PI4KA: variants seen among roughly 807,000 people sequenced by gnomAD.
The protein encoded by PI4KA is phosphatidylinositol 4-kinase alpha.
In PI4KA, 122 loss-of-function variants were observed where a neutral mutation model predicts 271.4. The observed-to-expected ratio is 0.45, with a 90% confidence interval of 0.39 to 0.52. The LOEUF (loss-of-function observed/expected upper bound fraction) is 0.52, where lower values mean the gene tolerates loss of function less well. Ranked by LOEUF, PI4KA falls within the 20% of genes least tolerant of loss-of-function variation. The pLI is 0.00. For missense variants in PI4KA, 1,969 were observed against 2,769.1 expected (o/e 0.71, Z 6.48); for synonymous variants, 1,041 against 1,078.8 (o/e 0.96, Z 0.69).
chr22:20,857,420 A>C (rs564149922), intron 1 of PI4KA, among the ~76,000 whole-genome samples: 1 of 152,334 alleles, frequency 6.6e-6, no homozygotes, highest in South Asian at 2.1e-4. Flanking sequence ...AAAGTGCCTA[A>C]AACAGCCTTT....
At chr22:20,729,742 C>G (rs1191570576) in intron 37 of PI4KA, 31 bp from the exon 38 acceptor site, 2 of 1,578,258 alleles carry the variant, frequency 1.3e-6, no homozygotes, top group East Asian at 2.3e-5. Context: ...CAGGTGTAGT[C>G]CTCAGATGCT....
chr22:20,851,193 A>C lies in PI4KA; in HGVS notation c.156+7377T>G, dbSNP rs201860258. 9.5e-3 allele frequency among the ~76,000 whole-genome samples: 889 copies of C among 93,626 alleles called. 5 individuals are homozygous for C. The highest frequency in any genetic ancestry group is 0.043 in the African/African-American group (817 of 19,030). The allele number at this position is 93,626 out of a possible 152,430, so 61.4% of individuals were successfully genotyped here. A position where few individuals can be genotyped will look rare whatever the true frequency, so the allele number is the denominator to read the frequency against. ...TGGGCAACACAGTGAGACCCTATCT[A>C]TTTTTTTTTTAATGTCTATTTATCC... On this transcript the variant is annotated intron_variant, in intron 1 of 54. Coordinates refer to ENST00000255882, the MANE Select transcript of PI4KA (RefSeq NM_058004.4).
chr22:20,769,687 A>G (rs983983732), intron 19 of PI4KA, among the ~76,000 whole-genome samples: 1 of 151,834 alleles, frequency 6.6e-6, no homozygotes, highest in Admixed American at 6.6e-5. Context: ...AAAAAAATCA[A>G]GGTCAGGGGG....
rs1446523096 is a variant in PI4KA, at chr22:20,818,485, T to G, written c.854A>C (p.Glu285Ala). The G allele has an allele frequency of 1.3e-6, 2 of 1,581,716 alleles. No homozygotes were observed. Among genetic ancestry groups the G allele is most frequent in the African/African-American group, 2.8e-5 (2 of 72,694 alleles). Residue 285 changes from glutamate (E) to alanine (A), a missense_variant and splice_region_variant, in exon 7 of 55, where the codon GAA (glutamate) becomes GCA (alanine). By Grantham distance (107) the Glu-to-Ala change is moderately radical (BLOSUM62 -1). Transcript: ENST00000255882. ...SPGGSAFHYF[E>A]ASCLPDGTAL... ...TTCTTCGGAAAGGTGAAGCCCACCT[T>G]CAAAGTAGTGAAAGGCAGATCCTCC...
At chr22:20,742,986 G>C (rs982638324) in intron 30 of PI4KA, 2 of 552,820 alleles carry the variant, frequency 3.6e-6, no homozygotes, top group Non-Finnish European at 6.5e-6. Flanking sequence ...CATGTTGGCA[G>C]TGCCACCACT....
intron 19 of PI4KA, among the ~76,000 whole-genome samples, chr22:20,772,419 C>T (rs956604657): frequency 6.6e-6 from 1 of 152,214 alleles, no homozygotes; most frequent in African/African-American, 2.4e-5. Flanking sequence ...TGGGCACAGA[C>T]AGCAGCCTCT....
At chr22:20,804,205 G>T in intron 12 of PI4KA, 95 bp downstream of exon 12, 1 of 829,394 alleles carries the variant, frequency 1.2e-6, no homozygotes, top group Non-Finnish European at 2.1e-6. Flanking sequence ...GGTCTCCGCT[G>T]CTGGTGTGCC....
At chr22:20,786,517 C>T (rs1318199296) in intron 19 of PI4KA, among the ~76,000 whole-genome samples, 2 of 152,178 alleles carry the variant, frequency 1.3e-5, no homozygotes, top group Admixed American at 6.5e-5. Flanking sequence ...ACCAATCGGG[C>T]GCTCAGCAAA....
intron 3 of PI4KA, among the ~76,000 whole-genome samples, chr22:20,832,622 T>A (rs1924341400): frequency 6.6e-6 from 1 of 151,922 alleles, no homozygotes; most frequent in South Asian, 2.1e-4. Flanking sequence ...CCTGGCTAAT[T>A]TTTTGTATTT....
rs1163691552 is a variant in PI4KA at position 20,839,943 on chromosome 22, G to A, written c.157-1212C>T. Among the ~76,000 whole-genome samples the A allele has an allele frequency of 2.0e-5, 3 of 152,180 alleles. No individual in the cohort carries two copies. In the East Asian group the frequency reaches 5.8e-4, roughly 29 times the overall value. On this transcript the variant is annotated intron_variant, in intron 1 of 54. Transcript: ENST00000255882. Reference sequence around the variant, plus strand: ...TATACTATAATAGTGGCTAGTGGAAGGCAAAAGCAGACAATGAGATTCAAA... The same window carrying A: ...TATACTATAATAGTGGCTAGTGGAAAGCAAAAGCAGACAATGAGATTCAAA...
In PI4KA at chr22:20,738,747, C is replaced by T. The variant is rs191885570; in HGVS notation, c.3741+3481G>A. Among the ~76,000 whole-genome samples the T allele has an allele frequency of 8.5e-5, 13 of 152,206 alleles. No homozygotes were observed. In the East Asian group the frequency reaches 2.3e-3, roughly 27 times the overall value. On this transcript the variant is annotated intron_variant, in intron 32 of 54. Coordinates refer to ENST00000255882, the MANE Select transcript of PI4KA (RefSeq NM_058004.4). ...AAGTGCAAGCTGGACTCCAAAAGAC[C>T]CCAAATGAAACAGTAATTTGGTTTG...
chr22:20,775,158 G>C (rs1364470703), intron 19 of PI4KA, among the ~76,000 whole-genome samples: 12 of 151,676 alleles, frequency 7.9e-5, no homozygotes, highest in Non-Finnish European at 1.8e-4. Flanking sequence ...ACCCAGCTCT[G>C]GCAATTAGCA....
intron 35 of PI4KA, 109 bp downstream of exon 35, chr22:20,733,627 T>C (rs1928333365): frequency 6.3e-7 from 1 of 1,575,438 alleles, no homozygotes; most frequent in Non-Finnish European, 8.6e-7. Context: ...TGAGCACAAC[T>C]GGGCAACTGT....
chr22:20,777,087 T>TC (rs1199262071), intron 19 of PI4KA, among the ~76,000 whole-genome samples: 1 of 151,910 alleles, frequency 6.6e-6, no homozygotes, highest in Non-Finnish European at 1.5e-5. Flanking sequence ...ACTCACTCTA[T>TC]CCCCCAGGTT....
chr22:20,790,699 A>AACACACACACAC (rs362174), intron 19 of PI4KA, among the ~76,000 whole-genome samples: 4 of 139,386 alleles, frequency 2.9e-5, no homozygotes, highest in South Asian at 4.8e-4. Context: ...AAAAAAAACA[A>AACACACACACAC]ACACACACAC....
At position 20,805,142 on chromosome 22, in the gene PI4KA, C is replaced by G; in HGVS notation, c.1192G>C (p.Glu398Gln). 6.2e-7 allele frequency: 1 copy of G among 1,613,954 alleles called. No homozygotes were observed. The highest frequency in any genetic ancestry group is 8.5e-7 in the Non-Finnish European group (1 of 1,179,902). The change falls in exon 11 of 55, where the codon GAG becomes CAG. Residue 398 changes from glutamate to glutamine, a missense_variant. Physicochemically the swap from Glu to Gln is conservative, Grantham distance 29 (BLOSUM62 2). Around this residue, in one of 13 missense-constraint regions of PI4KA, gnomAD observed 540 missense variants for 555.5 expected, o/e 0.97. Transcript: ENST00000255882. ...MKDLPTSFVKEIHDFVLEQFN... is the reference protein window; with the variant it reads ...MKDLPTSFVKQIHDFVLEQFN... ...TGCTCCAGCACAAAATCATGGATCT[C>G]CTTCACAAAAGAGGTCGGGAGGTCT...
intron 4 of PI4KA, among the ~76,000 whole-genome samples, chr22:20,821,738 T>C (rs1361714203): frequency 6.6e-6 from 1 of 151,940 alleles, no homozygotes; most frequent in Non-Finnish European, 1.5e-5. Context: ...ATTGCAGGCA[T>C]GCACCACCAC....
At chr22:20,780,197 C>T (rs1450476259) in intron 19 of PI4KA, 1 of 1,614,078 alleles carries the variant, frequency 6.2e-7, no homozygotes, top group South Asian at 1.1e-5. Context: ...GCATCTACTT[C>T]AAAGGTAAGA....
At position 20,811,026 on chromosome 22, in the gene PI4KA, T is replaced by C. The variant is rs1428221144; in HGVS notation, c.1012A>G (p.Lys338Glu). Residue 338 changes from lysine (K) to glutamate (E), a missense_variant, in exon 9 of 55, where the codon AAG (lysine) becomes GAG (glutamate). Lys to Glu is a moderately conservative substitution (Grantham distance 56). Transcript: ENST00000255882. ...TTGAGAACAGCCTCCTCAACGATCT[T>C]CTTCACCTACCAAGGAAACAGAACC... Reference protein sequence around the residue: ...MLRELLNLVKKIVEEAVLKSL... With the variant: ...MLRELLNLVKEIVEEAVLKSL... 8.7e-6 allele frequency: 14 copies of C among 1,612,592 alleles called. No homozygotes were observed. Among genetic ancestry groups the C allele is most frequent in the Non-Finnish European group, 1.2e-5 (14 of 1,178,700 alleles).
Sources: allele counts gnomAD v4.1 joint callset (sites outside exome capture counted in the v4.1 genomes callset), GRCh38; gene constraint gnomAD v4.1.1; regional missense constraint gnomAD v4.1.1; transcripts MANE v1.5; gene names NCBI Gene and HGNC (gene_info 2026-07-23, HGNC 2026-07-21).